MGAT4C: variants seen among roughly 807,000 people sequenced by gnomAD.
MGAT4C encodes alpha-1,3-mannosyl-glycoprotein 4-beta-N-acetylglucosaminyltransferase C.
A neutral mutation model predicts 40.1 loss-of-function variants in MGAT4C; 19 were observed. The observed-to-expected ratio is 0.47, with a 90% CI of 0.33 to 0.70. The LOEUF is 0.70. Among genes scored for constraint, MGAT4C ranks in the 30% least tolerant of loss-of-function variants. The pLI is 0.02. For synonymous variants in MGAT4C, 181 were observed against 187.1 expected (o/e 0.97, Z 0.27); for missense variants, 491 against 563.2 (o/e 0.87, Z 1.30).
At chr12:86,063,993 A>G (rs1374021662) in intron 1 of MGAT4C, among the ~76,000 whole-genome samples, 8 of 152,180 alleles carry the variant, frequency 5.3e-5, no homozygotes, top group Non-Finnish European at 1.0e-4. Context: ...CAGATCAACA[A>G]TACAGAAAAT....
chr12:86,238,476 A>G (rs2136036362), intron 1 of MGAT4C, among the ~76,000 whole-genome samples: 1 of 152,170 alleles, frequency 6.6e-6, no homozygotes, highest in East Asian at 1.9e-4. Context: ...ATTTGAATTC[A>G]GCTTACATGG....
intron 2 of MGAT4C, among the ~76,000 whole-genome samples, chr12:86,535,749 A>T (rs1472535551): frequency 6.6e-6 from 1 of 152,068 alleles, no homozygotes; most frequent in Non-Finnish European, 1.5e-5. Context: ...ATACCTACAT[A>T]AATTGTTCCT....
chr12:86,093,692 C>A (rs997788171), intron 1 of MGAT4C, among the ~76,000 whole-genome samples: 1 of 151,998 alleles, frequency 6.6e-6, no homozygotes, highest in Non-Finnish European at 1.5e-5. Flanking sequence ...CGCACCACTG[C>A]ACTCTAGCCT....
At chr12:86,195,858 T>C (rs1427313711) in intron 1 of MGAT4C, among the ~76,000 whole-genome samples, 1 of 152,194 alleles carries the variant, frequency 6.6e-6, no homozygotes, top group Non-Finnish European at 1.5e-5. Flanking sequence ...CATTCATTTT[T>C]GAACTATGTA....
intron 4 of MGAT4C, among the ~76,000 whole-genome samples, chr12:86,273,833 G>C (rs1019957396): frequency 6.6e-6 from 1 of 152,100 alleles, no homozygotes; most frequent in South Asian, 2.1e-4. Flanking sequence ...ACCACAAATA[G>C]TTTTAATCCA....
intron 1 of MGAT4C, among the ~76,000 whole-genome samples, chr12:86,791,438 T>G (rs4415836): frequency 0.94 from 136,835 of 145,702 alleles, 64,014 homozygotes; most frequent in Middle Eastern, 0.98. Context: ...ACTGTTTTTT[T>G]TTTTTTTTTT....
chr12:86,126,763 G>A (rs1018044968), intron 1 of MGAT4C, among the ~76,000 whole-genome samples: 1 of 152,138 alleles, frequency 6.6e-6, no homozygotes, highest in Admixed American at 6.5e-5. Flanking sequence ...CAATTTTGTC[G>A]TTGTGTGAAT....
At chr12:86,213,278 T>C (rs1209627370) in intron 1 of MGAT4C, among the ~76,000 whole-genome samples, 7 of 152,180 alleles carry the variant, frequency 4.6e-5, no homozygotes, top group African/African-American at 1.4e-4. Context: ...CAAAAGTGAA[T>C]CTGAGACCTA....
chr12:86,603,779 C>G (rs563851100), intron 2 of MGAT4C, among the ~76,000 whole-genome samples: 1 of 46,578 alleles, frequency 2.1e-5, no homozygotes, highest in Non-Finnish European at 4.6e-5. Flanking sequence ...ATTATATATA[C>G]TATATAATAT....
chr12:86,444,689 T>C (rs1957301702), intron 2 of MGAT4C, among the ~76,000 whole-genome samples: 1 of 152,230 alleles, frequency 6.6e-6, no homozygotes. Flanking sequence ...ATTTTTATCT[T>C]AATGTTTTAT....
At chr12:86,329,715 T>A (rs1240552134) in intron 4 of MGAT4C, among the ~76,000 whole-genome samples, 1 of 152,184 alleles carries the variant, frequency 6.6e-6, no homozygotes, top group East Asian at 1.9e-4. Context: ...TAATACTTCT[T>A]AATGGATATT....
intron 3 of MGAT4C, among the ~76,000 whole-genome samples, chr12:86,408,447 A>AACTC (rs1224491609): frequency 3.6e-4 from 13 of 36,326 alleles, no homozygotes; most frequent in African/African-American, 1.3e-3. Flanking sequence ...TTACATAGTA[A>AACTC]ACTCTCTCTC....
At chr12:86,580,432 G>A (rs1053375814) in intron 2 of MGAT4C, among the ~76,000 whole-genome samples, 2 of 151,252 alleles carry the variant, frequency 1.3e-5, no homozygotes, top group Non-Finnish European at 3.0e-5. Context: ...TTCATAGTAG[G>A]TACTCAATTA....
At chr12:86,579,485 GT>G (rs1201457719) in intron 2 of MGAT4C, among the ~76,000 whole-genome samples, 3 of 151,412 alleles carry the variant, frequency 2.0e-5, no homozygotes, top group African/African-American at 7.3e-5. Context: ...ACTTCTCATT[GT>G]TTCTATTTAT....
intron 1 of MGAT4C, among the ~76,000 whole-genome samples, chr12:86,125,474 C>T (rs1022783216): frequency 3.3e-5 from 5 of 152,032 alleles, no homozygotes; most frequent in African/African-American, 1.2e-4. Flanking sequence ...CCCATTTTTT[C>T]CCTTCTTGAC....
intron 4 of MGAT4C, among the ~76,000 whole-genome samples, chr12:86,270,191 C>G (rs964028311): frequency 6.6e-6 from 1 of 152,060 alleles, no homozygotes; most frequent in Non-Finnish European, 1.5e-5. Flanking sequence ...CTCAGCCTCC[C>G]AAGTAGCTGG....
chr12:86,558,149 A>G (rs1592984302), intron 2 of MGAT4C, among the ~76,000 whole-genome samples: 1 of 152,230 alleles, frequency 6.6e-6, no homozygotes, highest in East Asian at 1.9e-4. Context: ...AAGTTTTTTA[A>G]TAACACCATC....
In MGAT4C at chr12:85,956,539, A is replaced by G. The variant is rs563650672; in HGVS notation, c.*22750T>C. On this transcript the variant is annotated 3_prime_UTR_variant, in exon 5 of 5. Coordinates refer to ENST00000611864, the MANE Select transcript of MGAT4C (RefSeq NM_001351288.2). ...TGGGACACCTGTTGGGAACATTTAC[A>G]GATCATTTTTTGGATTACATTTAGT... 1.3e-5 allele frequency: 2 copies of G among 152,332 alleles called. No homozygotes were observed. The highest frequency in any genetic ancestry group is 4.1e-4 in the South Asian group (2 of 4,832). 9.4% of individuals were successfully genotyped at this position (152,332 alleles called of 1,614,324 possible).
At chr12:86,768,341 C>T (rs1012162109) in intron 1 of MGAT4C, among the ~76,000 whole-genome samples, 1 of 152,140 alleles carries the variant, frequency 6.6e-6, no homozygotes, top group African/African-American at 2.4e-5. Flanking sequence ...AGGAGAACAA[C>T]AAACCACTGC....
Sources: gnomAD v4.1 joint callset for allele counts (sites outside exome capture counted in the v4.1 genomes callset) on GRCh38, gnomAD v4.1.1 for gene constraint, MANE v1.5 for transcripts, NCBI Gene and HGNC (gene_info 2026-07-23, HGNC 2026-07-21) for gene names.